The following BRPF3 variants were observed in gnomAD, a reference collection of about 807,000 sequenced individuals.
BRPF3 encodes the protein bromodomain and PHD finger containing 3.
Under a neutral mutation model 102.0 loss-of-function variants are expected in BRPF3, and 18 were observed. The observed-to-expected ratio is 0.18, with a 90% CI of 0.12 to 0.26. The LOEUF is 0.26. Among genes scored for constraint, BRPF3 ranks in the 10% least tolerant of loss-of-function variants. The probability of loss-of-function intolerance (pLI) is 1.00; values close to 1 mark genes in which losing one functional copy is unlikely to be tolerated. For synonymous variants in BRPF3, 570 were observed against 614.2 expected, an observed-to-expected ratio of 0.93 and a Z score of 1.06; for missense variants, 1,147 against 1,567.8, an observed-to-expected ratio of 0.73 and a Z score of 4.53.
At chr6:36,211,607 A>T in intron 7 of BRPF3, 47 bp downstream of exon 7, 1 of 1,532,710 alleles carries the variant, frequency 6.5e-7, no homozygotes, top group Non-Finnish European at 8.8e-7. Context: ...GTAAAGAGGG[A>T]CAAAGGCTAA....
intron 9 of BRPF3, among the ~76,000 whole-genome samples, chr6:36,220,291 G>C (rs1408415443): frequency 6.6e-6 from 1 of 152,194 alleles, no homozygotes; most frequent in Non-Finnish European, 1.5e-5. Flanking sequence ...CTTTAAGTAA[G>C]ACATTAAAAT....
Position 36,232,609 on chromosome 6 carries a change from A to G in BRPF3, c.*2000A>G, listed in dbSNP as rs1397208819. On this transcript the variant is annotated 3_prime_UTR_variant, in exon 13 of 13. Transcript: ENST00000357641. ...TCTGCTGTGAAGCACATGATGCTCT[A>G]TTTATTGTAGAGAGTGACTTTATTT... is the stretch of plus-strand genomic sequence containing the variant. The G allele has an allele frequency of 6.6e-6, 1 of 152,642 alleles. No individual in the cohort carries two copies. Among genetic ancestry groups the G allele is most frequent in the African/African-American group, 2.4e-5 (1 of 41,456 alleles). The allele number at this position is 152,642 out of a possible 1,614,324, so 9.5% of individuals were successfully genotyped here.
Position 36,210,619 on chromosome 6 carries a change from G to A in BRPF3, c.2179+91G>A. On this transcript the variant is annotated intron_variant, in intron 6 of 12. Coordinates refer to ENST00000357641, the MANE Select transcript of BRPF3 (RefSeq NM_015695.3). This position sits in a 1 kb window ranked among gnomAD's most constrained non-coding sequence, Gnocchi z 4.7. The stretch of plus-strand genomic sequence containing the variant: ...GTGAGGGATCAGGGTGGTCCTTGGG[G>A]CTATAGGTAGACTCCAGGAGCAAAG... The A allele has an allele frequency of 2.4e-6, 3 of 1,241,372 alleles. No homozygotes were observed. The highest frequency in any genetic ancestry group is 2.2e-6 in the Non-Finnish European group (2 of 905,396). 76.9% of individuals were successfully genotyped at this position (1,241,372 alleles called of 1,614,324 possible).
intron 9 of BRPF3, among the ~76,000 whole-genome samples, chr6:36,220,575 T>A (rs1000151670): frequency 6.6e-6 from 1 of 152,224 alleles, no homozygotes. Flanking sequence ...ATTCTTGATG[T>A]GAACTTTGAT....
intron 10 of BRPF3, 124 bp downstream of exon 10, chr6:36,222,389 G>A: frequency 2.5e-6 from 2 of 791,502 alleles, no homozygotes; most frequent in East Asian, 5.4e-5. Flanking sequence ...CAAACTCTTG[G>A]GCCCTTGGGC....
In BRPF3 at chr6:36,209,900, A is replaced by T; in HGVS notation, c.1851A>T (p.Pro617=). ...ATCCTGCACACATCTTCGCAGAACC[A>T]GTCAACTTGAGTGAGGCAAGTTCCC... ...EKDPAHIFAE[P]VNLSEVPDYL... is the part of the protein sequence containing the mutation. Residue 617 remains proline, a synonymous_variant, in exon 5 of 13, where the codon CCA becomes CCT. Coordinates refer to ENST00000357641, the MANE Select transcript of BRPF3 (RefSeq NM_015695.3). The T allele has an allele frequency of 6.2e-7, 1 of 1,614,144 alleles. No homozygotes were observed. Among genetic ancestry groups the T allele is most frequent in the Non-Finnish European group, 8.5e-7 (1 of 1,179,984 alleles).
At position 36,200,840 on chromosome 6, in the gene BRPF3, T is replaced by G; in HGVS notation, c.518T>G (p.Val173Gly). 1 of 1,613,784 alleles carries G rather than the reference T, an allele frequency of 6.2e-7. No homozygotes were observed. Among genetic ancestry groups the G allele is most frequent in the Non-Finnish European group, 8.5e-7 (1 of 1,179,946 alleles). ...GACATGGTGAATGAAAAACGGCGAG[T>G]AGATGGGCACAGTTTGGTGTCTGCA... ...WLDMVNEKRR[V>G]DGHSLVSADT... The change falls in exon 2 of 13, where the codon GTA (valine) becomes GGA (glycine). Residue 173 changes from valine (V) to glycine (G), a missense_variant. This residue lies in a region of BRPF3 where 221 missense variants were observed against 337.1 expected (regional missense o/e 0.66). Coordinates refer to ENST00000357641, the MANE Select transcript of BRPF3 (RefSeq NM_015695.3). This position sits in a 1 kb window ranked among gnomAD's most constrained non-coding sequence, Gnocchi z 5.3.
At chr6:36,211,946 G>A (rs1387900688) in intron 7 of BRPF3, among the ~76,000 whole-genome samples, 2 of 152,130 alleles carry the variant, frequency 1.3e-5, no homozygotes, top group East Asian at 3.8e-4. Context: ...TTAAATATCA[G>A]CCTACCTTGT....
Position 36,210,579 on chromosome 6 carries a change from AAC to A in BRPF3, c.2179+53_2179+54del, listed in dbSNP as rs1768069028. Reference sequence around the variant, plus strand: ...GAGAGGGGCCAGGAGGAGGCACAGGAACAGAGTCTACAGAGTGAGGGATCAGG... The same window carrying A: ...GAGAGGGGCCAGGAGGAGGCACAGGAAGAGTCTACAGAGTGAGGGATCAGG... On this transcript the variant is annotated intron_variant, in intron 6 of 12. Transcript: ENST00000357641. The surrounding 1 kb of genome is among the most constrained non-coding windows in gnomAD (Gnocchi z 4.7). The A allele has an allele frequency of 2.0e-6, 3 of 1,519,718 alleles. No individual in the cohort carries two copies. The African/African-American group carries it at 4.1e-5, about 21-fold the overall frequency. The allele number at this position is 1,519,718 out of a possible 1,614,324, so 94.1% of individuals were successfully genotyped here.
At position 36,219,607 on chromosome 6, in the gene BRPF3, G is replaced by A. The variant is rs530806033; in HGVS notation, c.3083+1597G>A. Among the ~76,000 whole-genome samples the A allele has an allele frequency of 5.9e-4, 90 of 152,324 alleles. 1 individual carries two copies. Among genetic ancestry groups the A allele is most frequent in the African/African-American group, 1.9e-3 (81 of 41,578 alleles). On this transcript the variant is annotated intron_variant, in intron 9 of 12. Transcript: ENST00000357641. ...GGCTCTGGTTAGCCTGCTAATTCAG[G>A]TGGCGTGTTTGCCTTTCTGCAGAAC... is the stretch of plus-strand genomic sequence containing the variant.
rs1768884947 is a variant in BRPF3 at position 36,230,073 on chromosome 6, G to A, written c.3435-353G>A. Among the ~76,000 whole-genome samples, 1 of 152,114 alleles carries A rather than the reference G, an allele frequency of 6.6e-6. No homozygotes were observed. Among genetic ancestry groups the A allele is most frequent in the Non-Finnish European group, 1.5e-5 (1 of 68,020 alleles). On this transcript the variant is annotated intron_variant, in intron 12 of 12. Transcript: ENST00000357641. This position sits in a 1 kb window ranked among gnomAD's most constrained non-coding sequence, Gnocchi z 5.4. ...AGCCATCGCCCCCTAATTCTCCAAC[G>A]CAAGGCGAGGCTCAGAGCCCTCCAG...
In BRPF3 at chr6:36,200,729, C is replaced by T; in HGVS notation, c.407C>T (p.Ala136Val). The T allele has an allele frequency of 1.2e-6, 2 of 1,614,184 alleles. No individual in the cohort carries two copies. The highest frequency in any genetic ancestry group is 2.2e-5 in the South Asian group (2 of 91,088). ...IQPEAPPLPA[A>V]YYRYIEKPPE... ...CCAGAAGCACCCCCGCTGCCTGCTG[C>T]CTACTACCGCTACATTGAGAAGCCA... The change falls in exon 2 of 13, where the codon GCC becomes GTC. Residue 136 changes from alanine to valine, a missense_variant. Coordinates refer to ENST00000357641, the MANE Select transcript of BRPF3 (RefSeq NM_015695.3). This position sits in a 1 kb window ranked among gnomAD's most constrained non-coding sequence, Gnocchi z 5.3.
At chr6:36,204,091 C>A (rs981314311) in intron 2 of BRPF3, among the ~76,000 whole-genome samples, 14 of 152,108 alleles carry the variant, frequency 9.2e-5, no homozygotes, top group Non-Finnish European at 1.5e-4. Flanking sequence ...ATCTTTAGAT[C>A]CAATTTTTTT....
intron 11 of BRPF3, among the ~76,000 whole-genome samples, chr6:36,228,459 A>G (rs1261278378): frequency 6.6e-6 from 1 of 152,122 alleles, no homozygotes; most frequent in Non-Finnish European, 1.5e-5. Context: ...TCAACCTCCA[A>G]GCTCATTCTC....
At position 36,211,570 on chromosome 6, in the gene BRPF3, A is replaced by G. The variant is rs773017771; in HGVS notation, c.2482+10A>G. On this transcript the variant is annotated intron_variant, in intron 7 of 12. Transcript: ENST00000357641. ...GACGATGGGGACAGAGGTGAGAGAT[A>G]GTCACAGGCAGGCAGGGGGTTGGAG... 6.5e-7 allele frequency: 1 copy of G among 1,548,636 alleles called. No individual in the cohort carries two copies. Among genetic ancestry groups the G allele is most frequent in the Non-Finnish European group, 8.7e-7 (1 of 1,144,158 alleles).
chr6:36,227,910 G>T (rs1561835800), intron 11 of BRPF3, among the ~76,000 whole-genome samples: 2 of 152,198 alleles, frequency 1.3e-5, no homozygotes, highest in South Asian at 2.1e-4. Flanking sequence ...GCAGTTTATT[G>T]TAAGAAGGGG....
intron 12 of BRPF3, among the ~76,000 whole-genome samples, chr6:36,229,471 G>A (rs953083991): frequency 6.6e-6 from 1 of 152,246 alleles, no homozygotes; most frequent in African/African-American, 2.4e-5. Context: ...CCCTGAGGGA[G>A]GGGTGTGGCC....
At chr6:36,202,599 A>T (rs1767754608) in intron 2 of BRPF3, among the ~76,000 whole-genome samples, 1 of 152,186 alleles carries the variant, frequency 6.6e-6, no homozygotes, top group Admixed American at 6.5e-5. Flanking sequence ...CTGTTAGAGC[A>T]GGAAGGAGTC....
rs1581963812 is a variant in BRPF3 at position 36,211,401 on chromosome 6, A to G, written c.2323A>G (p.Ile775Val). The part of the protein sequence containing the change: ...TRRVRLLRRE[I>V]NALRQKLAQP... ...TCGTGTCCGCCTGCTACGCCGGGAG[A>G]TCAATGCCCTTCGGCAGAAGCTGGC... The change falls in exon 7 of 13, where the codon ATC becomes GTC. Residue 775 changes from isoleucine to valine, a missense_variant. Physicochemically the swap from Ile to Val is conservative, Grantham distance 29 (BLOSUM62 3). Coordinates refer to ENST00000357641, the MANE Select transcript of BRPF3 (RefSeq NM_015695.3). 3.7e-6 allele frequency: 6 copies of G among 1,614,048 alleles called. No individual in the cohort carries two copies. The East Asian group carries it at 1.3e-4, about 36-fold the overall frequency.
Sources: allele counts gnomAD v4.1 joint callset (sites outside exome capture counted in the v4.1 genomes callset), GRCh38; gene constraint gnomAD v4.1.1; regional missense constraint gnomAD v4.1.1; non-coding constraint Gnocchi (gnomAD v3.1); transcripts MANE v1.5; gene names NCBI Gene and HGNC (gene_info 2026-07-23, HGNC 2026-07-21).